SPOCK3: variants seen among roughly 807,000 people sequenced by gnomAD.
SPOCK3 encodes SPARC (osteonectin), cwcv and kazal like domains proteoglycan 3.
Under a neutral mutation model 56.6 loss-of-function variants are expected in SPOCK3, and 30 were observed. The ratio of observed to expected loss-of-function variants is 0.53; its 90% confidence interval spans 0.40 to 0.72. The LOEUF is 0.72. Ranked by LOEUF, SPOCK3 falls within the 30% of genes least tolerant of loss-of-function variation. The pLI is 0.00. For missense variants in SPOCK3, 527 were observed against 530.0 expected, an observed-to-expected ratio of 0.99 and a Z score of 0.06; for synonymous variants, 196 against 183.3, an observed-to-expected ratio of 1.07 and a Z score of -0.56.
At chr4:166,944,787 C>A (rs530403695) in intron 4 of SPOCK3, among the ~76,000 whole-genome samples, 1 of 152,030 alleles carries the variant, frequency 6.6e-6, no homozygotes, top group African/African-American at 2.4e-5. Context: ...ATGGTGGTAT[C>A]TTCCAGTATT....
chr4:166,883,689 G>A (rs1425539721), intron 6 of SPOCK3, among the ~76,000 whole-genome samples: 1 of 152,114 alleles, frequency 6.6e-6, no homozygotes, highest in Non-Finnish European at 1.5e-5. Flanking sequence ...CTCACATCAA[G>A]GGCCAAGGTT....
intron 4 of SPOCK3, among the ~76,000 whole-genome samples, chr4:166,979,414 TG>T (rs1405410624): frequency 1.3e-5 from 2 of 152,242 alleles, no homozygotes; most frequent in Non-Finnish European, 2.9e-5. Flanking sequence ...TGATTTTTAA[TG>T]AGACATTTCC....
chr4:167,152,748 G>T (rs949678473), intron 2 of SPOCK3, among the ~76,000 whole-genome samples: 1 of 152,080 alleles, frequency 6.6e-6, no homozygotes, highest in African/African-American at 2.4e-5. Context: ...ACAAATAAAT[G>T]AAGCATCACA....
At chr4:166,747,240 A>G (rs1171331031) in intron 8 of SPOCK3, among the ~76,000 whole-genome samples, 1 of 152,176 alleles carries the variant, frequency 6.6e-6, no homozygotes, top group Non-Finnish European at 1.5e-5. Context: ...CCTCAGTAAA[A>G]TACTGGCAAA....
At chr4:167,195,931 C>T (rs1732905323) in intron 2 of SPOCK3, among the ~76,000 whole-genome samples, 1 of 152,090 alleles carries the variant, frequency 6.6e-6, no homozygotes, top group African/African-American at 2.4e-5. Context: ...GGGGAAATAC[C>T]CAGTGGGGAG....
chr4:167,101,906 A>G lies in SPOCK3; in HGVS notation c.190-39369T>C, dbSNP rs528661656. Reference sequence around the variant, plus strand: ...CCAGGCTGAGTTTTTTTTTTTTAGTAGAGATGGGGTTTCACCATGTTGACC... The same window carrying G: ...CCAGGCTGAGTTTTTTTTTTTTAGTGGAGATGGGGTTTCACCATGTTGACC... On this transcript the variant is annotated intron_variant, in intron 2 of 10. Coordinates refer to ENST00000357545, the MANE Select transcript of SPOCK3 (RefSeq NM_001040159.2). 2.0e-5 allele frequency among the ~76,000 whole-genome samples: 3 copies of G among 151,210 alleles called. No individual in the cohort carries two copies. The South Asian group carries it at 6.3e-4, about 32-fold the overall frequency.
At chr4:167,161,419 A>G (rs948724705) in intron 2 of SPOCK3, among the ~76,000 whole-genome samples, 7 of 152,236 alleles carry the variant, frequency 4.6e-5, no homozygotes, top group African/African-American at 1.2e-4. Flanking sequence ...TGGAGAAATA[A>G]GAACACTTCG....
chr4:166,813,559 A>C (rs1579302260), intron 6 of SPOCK3, among the ~76,000 whole-genome samples: 1 of 145,108 alleles, frequency 6.9e-6, no homozygotes, highest in Middle Eastern at 3.6e-3. Flanking sequence ...ATTGGGAAAA[A>C]TCAGAGTAAT....
chr4:166,843,022 G>A (rs761859862), intron 6 of SPOCK3, among the ~76,000 whole-genome samples: 12 of 152,230 alleles, frequency 7.9e-5, no homozygotes, highest in African/African-American at 1.4e-4. Flanking sequence ...CCAGTGGGCC[G>A]GCGCTGCTGG....
At chr4:167,160,516 T>C (rs1349548793) in intron 2 of SPOCK3, among the ~76,000 whole-genome samples, 1 of 152,134 alleles carries the variant, frequency 6.6e-6, no homozygotes, top group Non-Finnish European at 1.5e-5. Context: ...ACCAATGACT[T>C]TCTTCACAGA....
chr4:166,949,929 A>G (rs1313864107), intron 4 of SPOCK3, among the ~76,000 whole-genome samples: 3 of 151,394 alleles, frequency 2.0e-5, no homozygotes, highest in Non-Finnish European at 4.4e-5. Context: ...AGAGCTCCTG[A>G]AGGAAGCACT....
At chr4:167,061,200 G>A (rs948643777) in intron 3 of SPOCK3, among the ~76,000 whole-genome samples, 1 of 151,844 alleles carries the variant, frequency 6.6e-6, no homozygotes, top group Non-Finnish European at 1.5e-5. Flanking sequence ...GATGCACCAA[G>A]TATGACAAAT....
At chr4:167,056,332 G>A (rs899410244) in intron 3 of SPOCK3, among the ~76,000 whole-genome samples, 4 of 152,058 alleles carry the variant, frequency 2.6e-5, no homozygotes, top group African/African-American at 9.7e-5. Flanking sequence ...CACAAAGATG[G>A]GGAAAAAACA....
chr4:167,029,522 A>C (rs1296043659), intron 3 of SPOCK3, among the ~76,000 whole-genome samples: 1 of 152,030 alleles, frequency 6.6e-6, no homozygotes, highest in Non-Finnish European at 1.5e-5. Flanking sequence ...CATTATTTAC[A>C]TTTGCTTTAA....
At chr4:167,227,172 G>A (rs1019400406) in intron 2 of SPOCK3, among the ~76,000 whole-genome samples, 3 of 152,112 alleles carry the variant, frequency 2.0e-5, no homozygotes, top group East Asian at 1.9e-4. Context: ...GGCCAAGGGA[G>A]CACCATGATG....
intron 3 of SPOCK3, among the ~76,000 whole-genome samples, chr4:167,048,004 C>T (rs997358454): frequency 6.6e-6 from 1 of 151,976 alleles, no homozygotes; most frequent in African/African-American, 2.4e-5. Context: ...GAGCCAAGAT[C>T]GTGTCACTGC....
chr4:167,169,498 C>T (rs567109142), intron 2 of SPOCK3, among the ~76,000 whole-genome samples: 1 of 152,186 alleles, frequency 6.6e-6, no homozygotes, highest in East Asian at 1.9e-4. Flanking sequence ...GCTAATTCTT[C>T]CATTTGGAGT....
intron 9 of SPOCK3, among the ~76,000 whole-genome samples, chr4:166,739,264 A>G (rs1387186013): frequency 6.6e-6 from 1 of 152,016 alleles, no homozygotes; most frequent in Non-Finnish European, 1.5e-5. Flanking sequence ...TTTTTGAGAC[A>G]GAGTCTCACT....
intron 5 of SPOCK3, among the ~76,000 whole-genome samples, chr4:166,905,040 G>C (rs892940761): frequency 4.0e-5 from 6 of 151,670 alleles, no homozygotes; most frequent in Admixed American, 6.6e-5. Context: ...GGCTGACATG[G>C]GCTTCCTTTT....
Sources: gnomAD v4.1 joint callset for allele counts (sites outside exome capture counted in the v4.1 genomes callset) on GRCh38, gnomAD v4.1.1 for gene constraint, MANE v1.5 for transcripts, NCBI Gene and HGNC (gene_info 2026-07-23, HGNC 2026-07-21) for gene names.